Variants in CARMIL1 observed in about 807,000 individuals in gnomAD.
The protein encoded by CARMIL1 is F-actin-uncapping protein LRRC16A.
A neutral mutation model predicts 177.1 loss-of-function variants in CARMIL1; 90 were observed. The ratio of observed to expected loss-of-function variants is 0.51; its 90% confidence interval spans 0.43 to 0.61. CARMIL1 has a LOEUF of 0.61. Ranked by LOEUF, CARMIL1 falls within the 20% of genes least tolerant of loss-of-function variation. CARMIL1 has a pLI of 0.00. For missense variants in CARMIL1, 1,380 were observed against 1,667.0 expected (o/e 0.83, Z 3.00); for synonymous variants, 577 against 606.2 (o/e 0.95, Z 0.71).
chr6:25,434,468 G>A (rs893555289), intron 4 of CARMIL1, among the ~76,000 whole-genome samples: 8 of 149,970 alleles, frequency 5.3e-5, no homozygotes, highest in Admixed American at 2.0e-4. Context: ...TTTTATTAAC[G>A]TGTTACCTTA....
At chr6:25,296,556 G>A (rs920660765) in intron 2 of CARMIL1, among the ~76,000 whole-genome samples, 13 of 152,160 alleles carry the variant, frequency 8.5e-5, no homozygotes, top group African/African-American at 3.1e-4. Context: ...CCCAGATGCG[G>A]GGAAGTGACT....
intron 2 of CARMIL1, among the ~76,000 whole-genome samples, chr6:25,324,616 T>C (rs935566999): frequency 6.6e-6 from 1 of 152,182 alleles, no homozygotes; most frequent in African/African-American, 2.4e-5. Flanking sequence ...GTGCTTACTG[T>C]GAGCTAAGCA....
chr6:25,298,586 T>C (rs984620422), intron 2 of CARMIL1, among the ~76,000 whole-genome samples: 20 of 151,900 alleles, frequency 1.3e-4, no homozygotes, highest in Admixed American at 9.2e-4. Flanking sequence ...TATTTAGATA[T>C]ATGCTCAAGT....
intron 2 of CARMIL1, among the ~76,000 whole-genome samples, chr6:25,385,772 C>T (rs773351272): frequency 6.6e-6 from 1 of 152,158 alleles, no homozygotes; most frequent in Non-Finnish European, 1.5e-5. Context: ...AGTAAGGCTT[C>T]ACTTTCAGCT....
At chr6:25,478,757 C>T (rs1172198268) in intron 11 of CARMIL1, among the ~76,000 whole-genome samples, 1 of 151,622 alleles carries the variant, frequency 6.6e-6, no homozygotes, top group Non-Finnish European at 1.5e-5. Context: ...GATCGCGCCT[C>T]TGCACTCCAG....
intron 2 of CARMIL1, among the ~76,000 whole-genome samples, chr6:25,394,383 G>A (rs1793170191): frequency 6.6e-6 from 1 of 152,158 alleles, no homozygotes; most frequent in Non-Finnish European, 1.5e-5. Flanking sequence ...GAGACACAGA[G>A]AGGTTAAATC....
At chr6:25,292,836 T>C (rs2150148113) in intron 2 of CARMIL1, among the ~76,000 whole-genome samples, 1 of 152,134 alleles carries the variant, frequency 6.6e-6, no homozygotes, top group East Asian at 1.9e-4. Flanking sequence ...GAGAGTAGCA[T>C]GAAAGGGACA....
intron 3 of CARMIL1, 101 bp downstream of exon 3, chr6:25,420,265 C>T: frequency 1.9e-6 from 2 of 1,056,430 alleles, no homozygotes; most frequent in Non-Finnish European, 1.5e-6. Context: ...CATATTCCTT[C>T]ATATACTGCA....
chr6:25,586,771 G>T (rs1191647999), intron 31 of CARMIL1, among the ~76,000 whole-genome samples: 1 of 152,008 alleles, frequency 6.6e-6, no homozygotes, highest in Non-Finnish European at 1.5e-5. Context: ...CGGCCAACAC[G>T]GCGAAACCCC....
intron 8 of CARMIL1, among the ~76,000 whole-genome samples, chr6:25,456,381 G>A (rs571729199): frequency 6.6e-6 from 1 of 152,158 alleles, no homozygotes; most frequent in South Asian, 2.1e-4. Flanking sequence ...CAGGAATAAG[G>A]ATGACAGTGA....
At chr6:25,604,761 TGCA>T in intron 33 of CARMIL1, 48 bp from the exon 34 acceptor site, 3 of 1,375,512 alleles carry the variant, frequency 2.2e-6, no homozygotes, top group Admixed American at 2.0e-5. Context: ...TTTTCACTTT[TGCA>T]TTAAATAAAT....
intron 5 of CARMIL1, among the ~76,000 whole-genome samples, chr6:25,438,025 A>G (rs1797383870): frequency 6.6e-6 from 1 of 152,198 alleles, no homozygotes; most frequent in South Asian, 2.1e-4. Context: ...TCCTGATAAA[A>G]TGTAAATTGT....
At chr6:25,598,458 C>T (rs552340865) in intron 32 of CARMIL1, among the ~76,000 whole-genome samples, 4 of 151,960 alleles carry the variant, frequency 2.6e-5, no homozygotes, top group African/African-American at 9.7e-5. Flanking sequence ...AGGCTGGTCT[C>T]GAACTCCCAG....
At chr6:25,304,686 G>GC (rs1176791006) in intron 2 of CARMIL1, among the ~76,000 whole-genome samples, 1 of 152,202 alleles carries the variant, frequency 6.6e-6, no homozygotes, top group African/African-American at 2.4e-5. Flanking sequence ...CTGGTCCACA[G>GC]CCCAGGGGTT....
At position 25,435,576 on chromosome 6, in the gene CARMIL1, A is replaced by C; in HGVS notation, c.343A>C (p.Arg115=). ...GCTGGCTCACATAGGCACCTGCCTG[A>C]GGAAGATATTTCCTGGCCTCTCTCC... ...EVLAHIGTCL[R]KIFPGLSPVR... is the part of the protein sequence containing the mutation. Residue 115 remains arginine (R), a synonymous_variant, in exon 5 of 37, where the codon AGG becomes CGG. Coordinates refer to ENST00000329474, the MANE Select transcript of CARMIL1 (RefSeq NM_017640.6). The C allele has an allele frequency of 6.4e-7, 1 of 1,571,476 alleles. No individual in the cohort carries two copies.
At chr6:25,593,623 A>G (rs933252573) in intron 31 of CARMIL1, among the ~76,000 whole-genome samples, 1 of 152,222 alleles carries the variant, frequency 6.6e-6, no homozygotes, top group African/African-American at 2.4e-5. Flanking sequence ...GAGCACAGAT[A>G]CCCAGGTGCT....
rs1810873744 is a variant in CARMIL1, at chr6:25,558,946, AGTT to A, written c.2742+2100_2742+2102del. ...ATTCATTGTTCTAACTAGGCTAATA[AGTT>A]GTTAAGTAGTAGAAAACCAGAGTTA... is the stretch of plus-strand genomic sequence containing the variant. On this transcript the variant is annotated intron_variant, in intron 29 of 36. Transcript: ENST00000329474. This position sits in a 1 kb window ranked among gnomAD's most constrained non-coding sequence, Gnocchi z 4.1. Among the ~76,000 whole-genome samples the A allele has an allele frequency of 6.6e-6, 1 of 152,336 alleles. No homozygotes were observed. The highest frequency in any genetic ancestry group is 1.9e-4 in the East Asian group (1 of 5,186).
intron 2 of CARMIL1, among the ~76,000 whole-genome samples, chr6:25,377,347 G>A (rs747222847): frequency 1.3e-5 from 2 of 152,166 alleles, no homozygotes; most frequent in Non-Finnish European, 2.9e-5. Flanking sequence ...GGAAGTTCTG[G>A]GACTTAAGGC....
At chr6:25,421,132 A>C (rs1795819260) in intron 3 of CARMIL1, among the ~76,000 whole-genome samples, 1 of 152,268 alleles carries the variant, frequency 6.6e-6, no homozygotes, top group Admixed American at 6.5e-5. Context: ...GCTAGAATCT[A>C]ATAAGTTATT....
Sources: allele counts gnomAD v4.1 joint callset (sites outside exome capture counted in the v4.1 genomes callset), GRCh38; gene constraint gnomAD v4.1.1; non-coding constraint Gnocchi (gnomAD v3.1); transcripts MANE v1.5; gene names NCBI Gene and HGNC (gene_info 2026-07-23, HGNC 2026-07-21).